Variants in PCDHGA7 observed in about 807,000 individuals in gnomAD.
The protein encoded by PCDHGA7 is protocadherin gamma subfamily A, 7.
Under a neutral mutation model 58.3 loss-of-function variants are expected in PCDHGA7, and 44 were observed. The observed-to-expected ratio is 0.75, with a 90% CI of 0.59 to 0.97. The LOEUF (loss-of-function observed/expected upper bound fraction) is 0.97. PCDHGA7 is among the 50% of genes least tolerant of loss of function. The pLI is 0.00. For synonymous variants in PCDHGA7, 516 were observed against 504.2 expected (o/e 1.02, Z -0.31); for missense variants, 1,266 against 1,188.7 (o/e 1.06, Z -0.96).
chr5:141,451,212 G>A (rs2098710632), intron 1 of PCDHGA7, among the ~76,000 whole-genome samples: 1 of 152,156 alleles, frequency 6.6e-6, no homozygotes, highest in Non-Finnish European at 1.5e-5. Context: ...AAACTTAGTG[G>A]CTTAAAAGAA....
chr5:141,481,104 C>T (rs2099531861), intron 1 of PCDHGA7, among the ~76,000 whole-genome samples: 1 of 152,130 alleles, frequency 6.6e-6, no homozygotes. Context: ...ACTCTGGAAC[C>T]TACCAATCCA....
chr5:141,428,029 C>T (rs775747505), intron 1 of PCDHGA7: 1 of 1,607,160 alleles, frequency 6.2e-7, no homozygotes, highest in Non-Finnish European at 8.5e-7. Flanking sequence ...GCCGCAGAGT[C>T]CGGCTACCTG....
intron 1 of PCDHGA7, chr5:141,387,903 G>A: frequency 6.6e-7 from 1 of 1,506,982 alleles, no homozygotes; most frequent in African/African-American, 1.4e-5. Context: ...CGGCGCCGGG[G>A]AGCTGGGCCG....
Position 141,491,166 on chromosome 5 carries a change from G to A in PCDHGA7, c.2425-3641G>A. 1 of 1,614,150 alleles carries A rather than the reference G, an allele frequency of 6.2e-7. No individual in the cohort carries two copies. The highest frequency in any genetic ancestry group is 8.5e-7 in the Non-Finnish European group (1 of 1,179,964). ...TACTGGAGGATGACTCTGACACCCA[G>A]CAGGTGGTGGTCCTGGTGAGGGACA... On this transcript the variant is annotated intron_variant, in intron 1 of 3. Transcript: ENST00000518325. The surrounding 1 kb of genome is among the most constrained non-coding windows in gnomAD (Gnocchi z 6.9).
In PCDHGA7 at chr5:141,448,679, G is replaced by A. The variant is rs113043083; in HGVS notation, c.2425-46128G>A. On this transcript the variant is annotated intron_variant, in intron 1 of 3. Coordinates refer to ENST00000518325, the MANE Select transcript of PCDHGA7 (RefSeq NM_018920.4). Reference sequence around the variant, plus strand: ...ATATTGGCCGGGCGCGGTGGCTCACGCCTGTAATCGCAGCACTTTGGGAGG... The same window carrying A: ...ATATTGGCCGGGCGCGGTGGCTCACACCTGTAATCGCAGCACTTTGGGAGG... Among the ~76,000 whole-genome samples the A allele has an allele frequency of 8.3e-3, 1,260 of 152,126 alleles. 17 individuals are homozygous for A. Among genetic ancestry groups the A allele is most frequent in the African/African-American group, 0.029 (1,195 of 41,496 alleles).
chr5:141,388,876 T>C lies in PCDHGA7; in HGVS notation c.2424+3553T>C, dbSNP rs941783342. 6.2e-6 allele frequency: 10 copies of C among 1,613,840 alleles called. No homozygotes were observed. In the African/African-American group the frequency reaches 1.1e-4, roughly 17 times the overall value. On this transcript the variant is annotated intron_variant, in intron 1 of 3. Coordinates refer to ENST00000518325, the MANE Select transcript of PCDHGA7 (RefSeq NM_018920.4). ...GGAGGAATGATTGCGCAATGCACAGTGGAGGTAGAAGTCATAGATGAAAAT... is the reference window on the plus strand; with the variant it reads ...GGAGGAATGATTGCGCAATGCACAGCGGAGGTAGAAGTCATAGATGAAAAT...
chr5:141,462,036 G>A (rs760555655), intron 1 of PCDHGA7, among the ~76,000 whole-genome samples: 5 of 151,978 alleles, frequency 3.3e-5, no homozygotes, highest in African/African-American at 7.3e-5. Flanking sequence ...TTGGTCAGGC[G>A]GGTCTTGAAC....
intron 1 of PCDHGA7, chr5:141,408,661 G>T (rs1462103250): frequency 1.2e-6 from 2 of 1,613,888 alleles, no homozygotes; most frequent in Middle Eastern, 3.3e-4. Context: ...CACGACTATC[G>T]CTTGACCCTG....
At chr5:141,410,132 G>T (rs1278988827) in intron 1 of PCDHGA7, 1 of 1,612,754 alleles carries the variant, frequency 6.2e-7, no homozygotes, top group Non-Finnish European at 8.5e-7. Flanking sequence ...GCGCCTGCTG[G>T]TCGCTGTGCG....
At chr5:141,467,360 C>T (rs965838962) in intron 1 of PCDHGA7, among the ~76,000 whole-genome samples, 3 of 152,010 alleles carry the variant, frequency 2.0e-5, no homozygotes, top group Non-Finnish European at 4.4e-5. Context: ...GCCAAATCAA[C>T]GTTTTCTTAT....
At chr5:141,400,665 G>C (rs1463001564) in intron 1 of PCDHGA7, 5 of 984,364 alleles carry the variant, frequency 5.1e-6, no homozygotes, top group Non-Finnish European at 7.6e-6. Flanking sequence ...CATTCTTTAA[G>C]AGGAGCAGTA....
At chr5:141,453,311 A>C (rs2098762053) in intron 1 of PCDHGA7, among the ~76,000 whole-genome samples, 1 of 151,602 alleles carries the variant, frequency 6.6e-6, no homozygotes, top group African/African-American at 2.4e-5. Flanking sequence ...TTATTTATTT[A>C]TTTTAGAGAT....
chr5:141,455,037 C>T (rs1251627513), intron 1 of PCDHGA7, among the ~76,000 whole-genome samples: 1 of 151,744 alleles, frequency 6.6e-6, no homozygotes, highest in Non-Finnish European at 1.5e-5. Flanking sequence ...TGGTCTCGAT[C>T]TCCTGACCTC....
At chr5:141,497,499 C>G (rs1217418941) in intron 2 of PCDHGA7, among the ~76,000 whole-genome samples, 3 of 151,416 alleles carry the variant, frequency 2.0e-5, no homozygotes, top group Non-Finnish European at 4.4e-5. Context: ...TCTCTCTCCT[C>G]TCTCTGCTTC....
chr5:141,477,775 G>T lies in PCDHGA7; in HGVS notation c.2425-17032G>T. 2 of 1,614,046 alleles carry T rather than the reference G, an allele frequency of 1.2e-6. No individual in the cohort carries two copies. The highest frequency in any genetic ancestry group is 2.7e-5 in the African/African-American group (2 of 75,052). On this transcript the variant is annotated intron_variant, in intron 1 of 3. Transcript: ENST00000518325. The surrounding 1 kb of genome is among the most constrained non-coding windows in gnomAD (Gnocchi z 4.9). ...CGGTCCTAGCCACCAACATCAGCGT[G>T]AACATATTTGTCACTGATCGCAATG...
chr5:141,490,906 G>C lies in PCDHGA7; in HGVS notation c.2425-3901G>C. On this transcript the variant is annotated intron_variant, in intron 1 of 3. Transcript: ENST00000518325. The surrounding 1 kb of genome is among the most constrained non-coding windows in gnomAD (Gnocchi z 5.4). ...CACATCTCTGCATGTGTTTGTCCTA[G>C]ACGAGAATGATAATGCCCCAGCTGT... The C allele has an allele frequency of 1.9e-6, 3 of 1,613,798 alleles. No individual in the cohort carries two copies. The highest frequency in any genetic ancestry group is 2.5e-6 in the Non-Finnish European group (3 of 1,179,808).
In PCDHGA7 at chr5:141,511,351, C is replaced by A. The variant is rs1190324197; in HGVS notation, c.*178C>A. 11 of 1,386,432 alleles carry A rather than the reference C, an allele frequency of 7.9e-6. No individual in the cohort carries two copies. Among genetic ancestry groups the A allele is most frequent in the South Asian group, 4.5e-5 (3 of 67,158 alleles). The allele number at this position is 1,386,432 out of a possible 1,614,324, so 85.9% of individuals were successfully genotyped here. On this transcript the variant is annotated 3_prime_UTR_variant, in exon 4 of 4. Transcript: ENST00000518325. ...CCAGTCAGCACCTACCCCTTCCCCC[C>A]CAGGGGGTTGAATATGCAAAAGCAG...
At chr5:141,500,947 C>T (rs933082173) in intron 2 of PCDHGA7, among the ~76,000 whole-genome samples, 15 of 151,822 alleles carry the variant, frequency 9.9e-5, no homozygotes, top group African/African-American at 3.6e-4. Context: ...CGGCTCACTG[C>T]AAGCTCCACC....
intron 1 of PCDHGA7, chr5:141,478,679 C>T (rs1247027395): frequency 3.2e-6 from 5 of 1,551,382 alleles, no homozygotes; most frequent in East Asian, 2.4e-5. Flanking sequence ...TCAACTGGCC[C>T]TTCCTAGATC....
Sources: allele counts gnomAD v4.1 joint callset (sites outside exome capture counted in the v4.1 genomes callset), GRCh38; gene constraint gnomAD v4.1.1; non-coding constraint Gnocchi (gnomAD v3.1); transcripts MANE v1.5; gene names NCBI Gene and HGNC (gene_info 2026-07-23, HGNC 2026-07-21).